The following EPHB1 variants were observed in gnomAD, a reference collection of about 807,000 sequenced individuals.
EPHB1 encodes the protein EPH receptor B1.
EPHB1 carries 30 observed loss-of-function variants against 94.4 expected under a neutral mutation model. The observed-to-expected ratio is 0.32, with a 90% CI of 0.24 to 0.43. The LOEUF is 0.43. EPHB1 is among the 20% of genes least tolerant of loss of function. The pLI, the probability that EPHB1 is intolerant of heterozygous loss-of-function variation, is 1.00. For synonymous variants in EPHB1, 522 were observed against 489.1 expected (o/e 1.07, Z -0.89); for missense variants, 1,055 against 1,308.3 (o/e 0.81, Z 2.99).
intron 4 of EPHB1, among the ~76,000 whole-genome samples, chr3:135,109,997 C>T (rs147574152): frequency 3.3e-5 from 5 of 152,284 alleles, no homozygotes; most frequent in East Asian, 1.9e-4. Flanking sequence ...TGTGAAACCC[C>T]GCACCATGTT....
chr3:134,924,234 A>G (rs79717344), intron 1 of EPHB1, among the ~76,000 whole-genome samples: 10,861 of 152,292 alleles, frequency 0.071, 678 homozygotes, highest in Admixed American at 0.21. Context: ...AAGAAAACCA[A>G]ATAATAAATT....
At chr3:135,219,946 C>G (rs1453204215) in intron 12 of EPHB1, among the ~76,000 whole-genome samples, 1 of 152,218 alleles carries the variant, frequency 6.6e-6, no homozygotes, top group Non-Finnish European at 1.5e-5. Context: ...GCCTCTGGAT[C>G]TAGCACATCT....
intron 3 of EPHB1, among the ~76,000 whole-genome samples, chr3:135,064,386 G>A (rs1937554302): frequency 6.6e-6 from 1 of 151,976 alleles, no homozygotes; most frequent in Admixed American, 6.5e-5. Context: ...GCTTGTTATT[G>A]GCCTGTTTAG....
At chr3:134,955,105 A>ATTTTTTTTTTTTTTTTTTTTTTT (rs1174011769) in intron 3 of EPHB1, among the ~76,000 whole-genome samples, 18 of 24,126 alleles carry the variant, frequency 7.5e-4, no homozygotes, top group Non-Finnish European at 1.1e-3. Flanking sequence ...TTTTTTTTTA[A>ATTTTTTTTTTTTTTTTTTTTTTT]TTTTTTTTTT....
intron 3 of EPHB1, among the ~76,000 whole-genome samples, chr3:135,052,414 G>T (rs1279406937): frequency 6.6e-6 from 1 of 152,066 alleles, no homozygotes; most frequent in East Asian, 1.9e-4. Context: ...AAGAGAAAAA[G>T]GAAACAATGT....
rs150064851 is a variant in EPHB1 at position 134,906,302 on chromosome 3, A to T, written c.59-19514A>T. ...TCTTCTGTAGGTACACTCTATTTAG[A>T]TGACTTAGTAATATAAATTTTATTT... On this transcript the variant is annotated intron_variant, in intron 1 of 15. Transcript: ENST00000398015. Among the ~76,000 whole-genome samples the T allele has an allele frequency of 1.7e-3, 265 of 152,292 alleles. 1 individual carries two copies. The highest frequency in any genetic ancestry group is 6.1e-3 in the African/African-American group (254 of 41,558).
At chr3:135,107,124 C>G (rs1380502212) in intron 4 of EPHB1, among the ~76,000 whole-genome samples, 2 of 152,212 alleles carry the variant, frequency 1.3e-5, no homozygotes, top group Admixed American at 6.5e-5. Context: ...TGTGTCCCTT[C>G]AAATGCCCAG....
chr3:134,873,662 G>A (rs1338692280), intron 1 of EPHB1, among the ~76,000 whole-genome samples: 3 of 152,220 alleles, frequency 2.0e-5, no homozygotes, highest in African/African-American at 7.2e-5. Flanking sequence ...TTCTAGAGAA[G>A]CAGGGTTTGC....
At chr3:134,967,989 A>G (rs888945707) in intron 3 of EPHB1, among the ~76,000 whole-genome samples, 1 of 152,214 alleles carries the variant, frequency 6.6e-6, no homozygotes, top group African/African-American at 2.4e-5. Context: ...GGCCCTGTCC[A>G]AGGACCTCTC....
intron 12 of EPHB1, among the ~76,000 whole-genome samples, chr3:135,235,024 A>C (rs1943616167): frequency 6.6e-6 from 1 of 152,222 alleles, no homozygotes; most frequent in African/African-American, 2.4e-5. Context: ...CATACCTGGA[A>C]GGTCTAGCCC....
At chr3:134,881,164 G>C (rs144639277) in intron 1 of EPHB1, among the ~76,000 whole-genome samples, 1 of 152,070 alleles carries the variant, frequency 6.6e-6, no homozygotes. Context: ...TTTTGTTAGC[G>C]ATGGCCCAGA....
intron 3 of EPHB1, among the ~76,000 whole-genome samples, chr3:134,952,352 TTCTCTC>T (rs752162465): frequency 3.9e-4 from 58 of 148,646 alleles, no homozygotes; most frequent in Non-Finnish European, 6.1e-4. Flanking sequence ...TCTCTCTCTC[TTCTCTC>T]TCTCTCTCTC....
chr3:134,796,791 G>T (rs2108280783), intron 1 of EPHB1, among the ~76,000 whole-genome samples: 1 of 152,362 alleles, frequency 6.6e-6, no homozygotes, highest in Non-Finnish European at 1.5e-5. Context: ...ACTTTCCGGT[G>T]TCCTGCTCCG....
At chr3:135,142,855 G>A (rs192848499) in intron 5 of EPHB1, among the ~76,000 whole-genome samples, 88 of 152,266 alleles carry the variant, frequency 5.8e-4, no homozygotes, top group South Asian at 1.9e-3. Context: ...GGGGCGTGAC[G>A]GTGGGAGGGA....
chr3:135,071,884 T>C (rs1475277081), intron 3 of EPHB1, among the ~76,000 whole-genome samples: 1 of 152,196 alleles, frequency 6.6e-6, no homozygotes, highest in African/African-American at 2.4e-5. Flanking sequence ...TCAATAAATA[T>C]CACCACCACA....
intron 1 of EPHB1, among the ~76,000 whole-genome samples, chr3:134,821,886 G>A (rs1262279580): frequency 6.6e-6 from 1 of 152,156 alleles, no homozygotes; most frequent in African/African-American, 2.4e-5. Context: ...AGTTGTGGGG[G>A]AAAAGAGATC....
intron 1 of EPHB1, among the ~76,000 whole-genome samples, chr3:134,916,394 C>T (rs115269328): frequency 0.021 from 3,230 of 152,304 alleles, 53 homozygotes; most frequent in South Asian, 0.039. Flanking sequence ...GACCGGACAC[C>T]GTGGAGCAGG....
At chr3:134,953,055 C>T (rs1053796755) in intron 3 of EPHB1, among the ~76,000 whole-genome samples, 10 of 152,054 alleles carry the variant, frequency 6.6e-5, no homozygotes, top group Admixed American at 6.5e-4. Flanking sequence ...CCTTAATGTA[C>T]CCCTAGGGTT....
intron 1 of EPHB1, among the ~76,000 whole-genome samples, chr3:134,820,433 A>G (rs1257210266): frequency 6.6e-6 from 1 of 152,068 alleles, no homozygotes; most frequent in Non-Finnish European, 1.5e-5. Flanking sequence ...CCTTCCTTCC[A>G]GTGTTTACAG....
Sources: allele counts gnomAD v4.1 joint callset (sites outside exome capture counted in the v4.1 genomes callset), GRCh38; gene constraint gnomAD v4.1.1; transcripts MANE v1.5; gene names NCBI Gene and HGNC (gene_info 2026-07-23, HGNC 2026-07-21).